Variants in TTC7A observed in about 807,000 individuals in gnomAD.
TTC7A encodes the protein tetratricopeptide repeat domain 7A, also known as tetratricopeptide repeat protein 7A.
TTC7A carries 110 observed loss-of-function variants against 103.7 expected under a neutral mutation model. The observed-to-expected ratio is 1.06, with a 90% confidence interval of 0.91 to 1.24. The LOEUF (loss-of-function observed/expected upper bound fraction) is 1.24. TTC7A is among the 50% of genes most tolerant of loss of function. TTC7A has a pLI of 0.00. For synonymous variants in TTC7A, 521 were observed against 467.9 expected (o/e 1.11, Z -1.47); for missense variants, 1,340 against 1,116.3 (o/e 1.20, Z -2.86).
In TTC7A at chr2:47,051,777, C is replaced by G; in HGVS notation, c.2049C>G (p.Ser683=). The G allele has an allele frequency of 5.6e-6, 9 of 1,611,262 alleles. No individual in the cohort carries two copies. Among genetic ancestry groups the G allele is most frequent in the Non-Finnish European group, 7.6e-6 (9 of 1,179,624 alleles). ...GSRRASSIAA[S]RLEEAMSELT... ...GGCGGGCTTCGTCCATCGCCGCCTC[C>G]CGGCTGGAGGAGGCCATGTCAGAGC... Residue 683 remains serine, a synonymous_variant, in exon 18 of 20, where the codon TCC becomes TCG. Coordinates refer to ENST00000319190, the MANE Select transcript of TTC7A (RefSeq NM_020458.4).
rs1573958 is a variant in TTC7A, at chr2:47,075,690, C to G, written c.*1767C>G. 121,789 of 152,392 alleles carry G rather than the reference C, an allele frequency of 0.8. 49,065 individuals are homozygous for G. Among genetic ancestry groups the G allele is most frequent in the East Asian group, 0.95 (4,930 of 5,188 alleles). 9.4% of individuals were successfully genotyped at this position (152,392 alleles called of 1,614,324 possible). A position where few individuals can be genotyped will look rare whatever the true frequency, so the allele number is the denominator to read the frequency against. On this transcript the variant is annotated 3_prime_UTR_variant, in exon 20 of 20. Transcript: ENST00000319190. ...GCATCGAAGCCAAGACCTGGGCCCA[C>G]CTGGGGAGGGATGTGGGAAAGGAAG...
At chr2:47,036,210 G>A (rs1681087249) in intron 15 of TTC7A, among the ~76,000 whole-genome samples, 1 of 152,186 alleles carries the variant, frequency 6.6e-6, no homozygotes, top group Admixed American at 6.5e-5. Flanking sequence ...CCAGCTGCAG[G>A]GTAGGGGCAG....
intron 5 of TTC7A, among the ~76,000 whole-genome samples, chr2:46,986,561 C>A (rs1675034166): frequency 6.6e-6 from 1 of 151,950 alleles, no homozygotes; most frequent in Non-Finnish European, 1.5e-5. Context: ...TGGGGTGGAC[C>A]CTGAAGGTGT....
chr2:47,044,488 T>C (rs754895815), intron 15 of TTC7A, among the ~76,000 whole-genome samples: 20 of 152,206 alleles, frequency 1.3e-4, no homozygotes, highest in Non-Finnish European at 2.8e-4. Context: ...GGCTGTGTCC[T>C]GCCAGCTGTG....
chr2:46,993,299 T>C, intron 5 of TTC7A, 151 bp from the exon 6 acceptor site: 2 of 698,018 alleles, frequency 2.9e-6, no homozygotes, highest in Middle Eastern at 2.6e-4. Flanking sequence ...AAAGTCCTGG[T>C]GTTACAACTC....
intron 2 of TTC7A, among the ~76,000 whole-genome samples, chr2:46,922,741 G>A (rs1313846319): frequency 6.6e-6 from 1 of 152,042 alleles, no homozygotes; most frequent in Non-Finnish European, 1.5e-5. Flanking sequence ...GGGGAGGGGC[G>A]GGGGGCTCTT....
At chr2:46,930,885 T>C (rs1348543426) in intron 2 of TTC7A, among the ~76,000 whole-genome samples, 1 of 152,206 alleles carries the variant, frequency 6.6e-6, no homozygotes, top group East Asian at 1.9e-4. Context: ...ATGCTTTATA[T>C]GAACTCTTTG....
intron 4 of TTC7A, among the ~76,000 whole-genome samples, 184 bp downstream of exon 4, chr2:46,975,287 C>A (rs921724172): frequency 6.6e-6 from 1 of 152,206 alleles, no homozygotes; most frequent in African/African-American, 2.4e-5. Flanking sequence ...TAGAATGAGA[C>A]TCTTTACTGG....
At chr2:46,938,319 A>G (rs1419613623), upstream of TTC7A, among the ~76,000 whole-genome samples, 1 of 152,212 alleles carries the variant, frequency 6.6e-6, no homozygotes, top group Admixed American at 6.5e-5. Flanking sequence ...TCAATCTTAA[A>G]CTTGATCACT....
At chr2:47,052,649 A>G (rs1332355093) in intron 18 of TTC7A, among the ~76,000 whole-genome samples, 1 of 152,180 alleles carries the variant, frequency 6.6e-6, no homozygotes, top group African/African-American at 2.4e-5. Flanking sequence ...GAGGTAGATC[A>G]GAGTGGAAAG....
intron 15 of TTC7A, chr2:47,034,123 G>A (rs1271142507): frequency 6.6e-6 from 1 of 152,260 alleles, no homozygotes; most frequent in Non-Finnish European, 1.5e-5. Flanking sequence ...AACGTGATGA[G>A]GCAGAGACAG....
At chr2:47,038,629 T>TCCCCCCC (rs1558612925) in intron 15 of TTC7A, among the ~76,000 whole-genome samples, 1 of 86,940 alleles carries the variant, frequency 1.2e-5, no homozygotes, top group African/African-American at 4.5e-5. Flanking sequence ...TGCTGCCACT[T>TCCCCCCC]CCCACCCACC....
At chr2:47,071,486 C>T (rs1196947629) in intron 19 of TTC7A, among the ~76,000 whole-genome samples, 2 of 152,196 alleles carry the variant, frequency 1.3e-5, no homozygotes, top group East Asian at 1.9e-4. Context: ...TGTCTGCCCC[C>T]GCGGTGATTT....
intron 2 of TTC7A, among the ~76,000 whole-genome samples, chr2:46,926,448 T>C (rs1669387594): frequency 6.6e-6 from 1 of 152,166 alleles, no homozygotes; most frequent in African/African-American, 2.4e-5. Context: ...GTGGGGGCAC[T>C]TAAGCCTATG....
chr2:46,955,462 G>A (rs1163037951), intron 2 of TTC7A, among the ~76,000 whole-genome samples: 1 of 152,218 alleles, frequency 6.6e-6, no homozygotes, highest in Non-Finnish European at 1.5e-5. Flanking sequence ...CATTGGTAGA[G>A]GCATTGGAGG....
chr2:47,047,432 C>T lies in TTC7A; in HGVS notation c.1919+1001C>T, dbSNP rs115175738. 4,047 of 764,872 alleles carry T rather than the reference C, an allele frequency of 5.3e-3. 133 individuals are homozygous for T. In the African/African-American group the frequency reaches 0.065, roughly 12 times the overall value. The allele number at this position is 764,872 out of a possible 1,614,324, so 47.4% of individuals were successfully genotyped here. A position where few individuals can be genotyped will look rare whatever the true frequency, so the allele number is the denominator to read the frequency against. ...GAGGAGGACCAGTGGGCGGAAGCTG[C>T]CAGAAGGAGGCTCTGGGGTTGAGGG... On this transcript the variant is annotated intron_variant, in intron 16 of 19. Transcript: ENST00000319190.
At chr2:46,998,301 C>T (rs1407321906) in intron 8 of TTC7A, among the ~76,000 whole-genome samples, 1 of 152,150 alleles carries the variant, frequency 6.6e-6, no homozygotes, top group Admixed American at 6.5e-5. Flanking sequence ...GTGACCTTTC[C>T]CCCGGCTGCT....
At position 47,044,537 on chromosome 2, in the gene TTC7A, T is replaced by C. The variant is rs147251684; in HGVS notation, c.1803-1778T>C. Among the ~76,000 whole-genome samples, 4 of 152,280 alleles carry C rather than the reference T, an allele frequency of 2.6e-5. No individual in the cohort carries two copies. The East Asian group carries it at 7.7e-4, about 29-fold the overall frequency. ...GCAGTCCATGCTAGGGGGATCCCGG[T>C]TTCTGCCCTTGGGACCTGATAGGCA... On this transcript the variant is annotated intron_variant, in intron 15 of 19. Coordinates refer to ENST00000319190, the MANE Select transcript of TTC7A (RefSeq NM_020458.4).
In TTC7A at chr2:47,073,769, G is replaced by C; in HGVS notation, c.2423G>C (p.Arg808Thr). ...AQKVLRDAVE[R>T]QSTCHEAWQG... is the part of the protein sequence containing the mutation. Reference sequence around the variant, plus strand: ...AAGGTGCTTCGTGATGCCGTGGAGAGGCAGAGTACGTGCCACGAGGCGTGG... The same window carrying C: ...AAGGTGCTTCGTGATGCCGTGGAGACGCAGAGTACGTGCCACGAGGCGTGG... The change falls in exon 20 of 20, where the codon AGG (arginine) becomes ACG (threonine). Residue 808 changes from arginine to threonine, a missense_variant. Arg to Thr is a moderately conservative substitution (Grantham distance 71). Transcript: ENST00000319190. 6.2e-7 allele frequency: 1 copy of C among 1,613,854 alleles called. No homozygotes were observed. Among genetic ancestry groups the C allele is most frequent in the East Asian group, 2.2e-5 (1 of 44,870 alleles).
Sources: allele counts gnomAD v4.1 joint callset (sites outside exome capture counted in the v4.1 genomes callset), GRCh38; gene constraint gnomAD v4.1.1; transcripts MANE v1.5; gene names NCBI Gene and HGNC (gene_info 2026-07-23, HGNC 2026-07-21).